The following ANKS1B variants were observed in gnomAD, a reference collection of about 807,000 sequenced individuals.
ANKS1B encodes ankyrin repeat and sterile alpha motif domain-containing protein 1B.
In ANKS1B, 36 loss-of-function variants were observed where a neutral mutation model predicts 148.3. The observed-to-expected ratio is 0.24, with a 90% CI of 0.19 to 0.32. ANKS1B has a LOEUF of 0.32. ANKS1B is among the 10% of genes least tolerant of loss of function. The probability of loss-of-function intolerance (pLI) is 1.00; values close to 1 mark genes in which losing one functional copy is unlikely to be tolerated. For missense variants in ANKS1B, 1,157 were observed against 1,542.6 expected, an observed-to-expected ratio of 0.75 and a Z score of 4.19; for synonymous variants, 542 against 560.8, an observed-to-expected ratio of 0.97 and a Z score of 0.47.
intron 1 of ANKS1B, among the ~76,000 whole-genome samples, chr12:99,838,780 T>C (rs553982956): frequency 6.6e-6 from 1 of 152,130 alleles, no homozygotes; most frequent in Non-Finnish European, 1.5e-5. Flanking sequence ...CTCTCTATTA[T>C]GGGTATATGA....
chr12:99,269,608 G>C (rs2076813932), intron 12 of ANKS1B, among the ~76,000 whole-genome samples: 1 of 152,094 alleles, frequency 6.6e-6, no homozygotes, highest in Non-Finnish European at 1.5e-5. Context: ...GCTCAGGCTG[G>C]AGTGCAGTAG....
chr12:99,501,992 G>C (rs375595512), intron 10 of ANKS1B, among the ~76,000 whole-genome samples: 6 of 151,970 alleles, frequency 3.9e-5, no homozygotes, highest in African/African-American at 1.5e-4. Context: ...GTTGACCTGA[G>C]CCTGATCAGC....
intron 1 of ANKS1B, among the ~76,000 whole-genome samples, chr12:99,977,083 A>G (rs2095638658): frequency 6.6e-6 from 1 of 152,152 alleles, no homozygotes; most frequent in Non-Finnish European, 1.5e-5. Context: ...CAATAATGGC[A>G]TTAATCCATT....
chr12:98,929,689 T>C (rs974845289), intron 17 of ANKS1B, among the ~76,000 whole-genome samples: 1 of 152,084 alleles, frequency 6.6e-6, no homozygotes, highest in Non-Finnish European at 1.5e-5. Flanking sequence ...GGTAATCCAA[T>C]GGAGGGGAAA....
At chr12:99,118,500 G>T (rs765809599) in intron 15 of ANKS1B, among the ~76,000 whole-genome samples, 86 of 152,270 alleles carry the variant, frequency 5.6e-4, no homozygotes, top group Admixed American at 2.4e-3. Context: ...AGCGCCTGGT[G>T]TTCTAAATCC....
intron 2 of ANKS1B, among the ~76,000 whole-genome samples, chr12:99,816,947 T>C (rs2069262530): frequency 6.6e-6 from 1 of 151,704 alleles, no homozygotes; most frequent in African/African-American, 2.4e-5. Flanking sequence ...AATATTTTTA[T>C]ATATGCATAC....
chr12:99,883,455 T>G (rs949127068), intron 1 of ANKS1B, among the ~76,000 whole-genome samples: 4 of 152,050 alleles, frequency 2.6e-5, no homozygotes, highest in African/African-American at 7.2e-5. Flanking sequence ...GTTTTTTGAG[T>G]AATAATTGGA....
intron 8 of ANKS1B, among the ~76,000 whole-genome samples, chr12:99,722,111 G>A (rs781460655): frequency 1.3e-5 from 2 of 152,220 alleles, no homozygotes; most frequent in Non-Finnish European, 2.9e-5. Flanking sequence ...AAGGAAAGAA[G>A]CCATTTCCAT....
chr12:99,777,366 A>G (rs978199287), intron 6 of ANKS1B, among the ~76,000 whole-genome samples: 6 of 152,214 alleles, frequency 3.9e-5, no homozygotes, highest in Non-Finnish European at 7.3e-5. Flanking sequence ...TGTATGCCCT[A>G]CCACAAATTA....
intron 11 of ANKS1B, among the ~76,000 whole-genome samples, chr12:99,410,733 C>A (rs1184055134): frequency 6.6e-6 from 1 of 152,170 alleles, no homozygotes; most frequent in Non-Finnish European, 1.5e-5. Context: ...TAAAGTTGAA[C>A]AGACACAGGA....
intron 12 of ANKS1B, among the ~76,000 whole-genome samples, chr12:99,291,702 A>G (rs575568763): frequency 2.8e-4 from 43 of 152,002 alleles, no homozygotes; most frequent in African/African-American, 8.5e-4. Context: ...GCAGAAGAAC[A>G]AAACTAGAAC....
chr12:99,464,471 G>A (rs1217265877), intron 10 of ANKS1B, among the ~76,000 whole-genome samples: 1 of 152,148 alleles, frequency 6.6e-6, no homozygotes, highest in African/African-American at 2.4e-5. Context: ...AGAGAAGAAG[G>A]CTTCAGACGA....
chr12:99,442,335 C>G (rs10745855), intron 11 of ANKS1B, among the ~76,000 whole-genome samples: 63,468 of 151,520 alleles, frequency 0.42, 15,153 homozygotes, highest in African/African-American at 0.65. Context: ...TGGCAGAAGA[C>G]GACATTTTTG....
intron 9 of ANKS1B, among the ~76,000 whole-genome samples, chr12:99,518,874 C>T (rs573055232): frequency 3.3e-4 from 50 of 152,090 alleles, no homozygotes; most frequent in African/African-American, 1.0e-3. Flanking sequence ...GATAAACTTT[C>T]CTCTTAGTAC....
At chr12:98,738,337 C>T (rs2097783117) in intron 9 of ANKS1B, among the ~76,000 whole-genome samples, 1 of 152,160 alleles carries the variant, frequency 6.6e-6, no homozygotes, top group African/African-American at 2.4e-5. Flanking sequence ...AAAAATCTGC[C>T]TCTGTAATTT....
chr12:99,507,111 T>C (rs568842662), intron 9 of ANKS1B, among the ~76,000 whole-genome samples: 1 of 152,084 alleles, frequency 6.6e-6, no homozygotes, highest in South Asian at 2.1e-4. Flanking sequence ...TTTTCAAATG[T>C]AAATTATTTT....
intron 17 of ANKS1B, among the ~76,000 whole-genome samples, chr12:98,890,779 A>C (rs2099750995): frequency 6.6e-6 from 1 of 152,244 alleles, no homozygotes; most frequent in Non-Finnish European, 1.5e-5. Context: ...CTTGCCAAGA[A>C]AAGAGTGTTG....
At chr12:99,690,182 G>A (rs1039838561) in intron 8 of ANKS1B, among the ~76,000 whole-genome samples, 10 of 152,060 alleles carry the variant, frequency 6.6e-5, no homozygotes, top group African/African-American at 9.7e-5. Context: ...AGGGGAAACC[G>A]CCGCCATAAT....
chr12:99,041,147 A>T (rs1390310974), intron 17 of ANKS1B, among the ~76,000 whole-genome samples: 5 of 152,210 alleles, frequency 3.3e-5, no homozygotes, highest in Non-Finnish European at 7.3e-5. Flanking sequence ...AGCAAGATTG[A>T]CAATTAACGA....
Sources: gnomAD v4.1 joint callset for allele counts (sites outside exome capture counted in the v4.1 genomes callset) on GRCh38, gnomAD v4.1.1 for gene constraint, MANE v1.5 for transcripts, NCBI Gene and HGNC (gene_info 2026-07-23, HGNC 2026-07-21) for gene names.